RABL6: variants seen among roughly 807,000 people sequenced by gnomAD.
RABL6 encodes RAB, member RAS oncogene family like 6.
In RABL6, 28 loss-of-function variants were observed where a neutral mutation model predicts 72.9. The ratio of observed to expected loss-of-function variants is 0.38; its 90% CI spans 0.28 to 0.53. The LOEUF is 0.53. RABL6 is among the 20% of genes least tolerant of loss of function. The pLI is 0.80. For synonymous variants in RABL6, 477 were observed against 421.2 expected (o/e 1.13, Z -1.62); for missense variants, 1,029 against 1,008.4 (o/e 1.02, Z -0.28).
intron 1 of RABL6, among the ~76,000 whole-genome samples, chr9:136,818,389 AAAAAAAAAAAAAAAACCAAAG>A (rs1848167977): frequency 2.6e-5 from 1 of 38,622 alleles, no homozygotes; most frequent in African/African-American, 9.9e-5. Flanking sequence ...AAAAAAAAAA[AAAAAAAAAAAAAAAACCAAAG>A]GTAAGCAAAG....
intron 1 of RABL6, chr9:136,821,892 G>A (rs1022792474): frequency 3.9e-6 from 5 of 1,276,642 alleles, no homozygotes; most frequent in Non-Finnish European, 5.1e-6. Context: ...CGGTGCGGCC[G>A]CCACCGTGGC....
At chr9:136,816,371 C>T (rs544354714) in intron 1 of RABL6, among the ~76,000 whole-genome samples, 1 of 151,494 alleles carries the variant, frequency 6.6e-6, no homozygotes, top group Admixed American at 6.6e-5. Context: ...TCCCAAAGTG[C>T]TGGCATTACA....
rs562074594 is a variant in RABL6, at chr9:136,840,339, CAAG to C, written c.2015_2017del (p.Lys672del). ...CTCCTCAGGAAGAAGAAAAAGCTGC[CAAG>C]AAGAAGAGCAAACACAAGAAGAGCA... On this transcript the variant is annotated inframe_deletion, in exon 15 of 15. Coordinates refer to ENST00000311502, the MANE Select transcript of RABL6 (RefSeq NM_024718.5). 1.7e-3 allele frequency: 2,650 copies of C among 1,572,104 alleles called. 4 individuals are homozygous for C. Among genetic ancestry groups the C allele is most frequent in the Non-Finnish European group, 2.1e-3 (2,483 of 1,159,262 alleles).
rs918119017 is a variant in RABL6, at chr9:136,821,679, G to A, written c.131-1846G>A. On this transcript the variant is annotated intron_variant, in intron 1 of 14. Coordinates refer to ENST00000311502, the MANE Select transcript of RABL6 (RefSeq NM_024718.5). ...CGGGCCTCCCGCCGCGCTGGGGCCT[G>A]GCTCCCTCCTGGCTGCGCTGAGCGC... 1.4e-5 allele frequency: 14 copies of A among 995,988 alleles called. No individual in the cohort carries two copies. In the African/African-American group the frequency reaches 2.3e-4, roughly 16 times the overall value. 61.7% of individuals were successfully genotyped at this position (995,988 alleles called of 1,614,324 possible). A position where few individuals can be genotyped will look rare whatever the true frequency, so the allele number is the denominator to read the frequency against.
At chr9:136,838,763 G>A (rs1441376790) in intron 10 of RABL6, 146 bp from the exon 11 acceptor site, 3 of 679,620 alleles carry the variant, frequency 4.4e-6, no homozygotes, top group Non-Finnish European at 7.2e-6. Context: ...GACCATGAGG[G>A]GGCCTCTCCA....
chr9:136,810,919 G>A (rs553484779), intron 1 of RABL6, among the ~76,000 whole-genome samples: 32 of 152,198 alleles, frequency 2.1e-4, no homozygotes, highest in Admixed American at 2.0e-4. Flanking sequence ...GAGGGTTTTG[G>A]GGGTGAGAGT....
intron 10 of RABL6, among the ~76,000 whole-genome samples, chr9:136,838,495 C>T (rs1848624742): frequency 6.6e-6 from 1 of 152,236 alleles, no homozygotes; most frequent in Admixed American, 6.5e-5. Flanking sequence ...GCAGCAAAGC[C>T]CTGCATTTGG....
At chr9:136,812,518 C>T (rs1218391720) in intron 1 of RABL6, among the ~76,000 whole-genome samples, 4 of 152,050 alleles carry the variant, frequency 2.6e-5, no homozygotes, top group Admixed American at 6.5e-5. Context: ...AAGATCACAC[C>T]ACTGCGCTCC....
At position 136,840,535 on chromosome 9, in the gene RABL6, AGT is replaced by A. The variant is rs1848675231; in HGVS notation, c.*15_*16del. ...CGAGGAGCTCTAGGCCGGCGTGGGCAGTGGCCGCCCTGGGGCGGGGGGCGTGC... is the reference window on the plus strand; with the variant it reads ...CGAGGAGCTCTAGGCCGGCGTGGGCAGGCCGCCCTGGGGCGGGGGGCGTGC... On this transcript the variant is annotated 3_prime_UTR_variant, in exon 15 of 15. Coordinates refer to ENST00000311502, the MANE Select transcript of RABL6 (RefSeq NM_024718.5). The A allele has an allele frequency of 6.9e-7, 1 of 1,446,910 alleles. No individual in the cohort carries two copies. Among genetic ancestry groups the A allele is most frequent in the African/African-American group, 1.5e-5 (1 of 68,742 alleles). 89.6% of individuals were successfully genotyped at this position (1,446,910 alleles called of 1,614,324 possible). A position where few individuals can be genotyped will look rare whatever the true frequency, so the allele number is the denominator to read the frequency against.
chr9:136,837,463 G>A lies in RABL6; in HGVS notation c.927G>A (p.Thr309=), dbSNP rs763318709. The change falls in exon 9 of 15, where the codon ACG becomes ACA. Residue 309 remains threonine (T), a synonymous_variant. Transcript: ENST00000311502. ...SPVVPAGAVS[T]GSSSPGTPQP... is the part of the protein sequence containing the mutation. ...TGGTGCCTGCAGGCGCTGTGTCCAC[G>A]GGGAGCTCCAGCCCCGGCACACCCC... 2.6e-5 allele frequency: 40 copies of A among 1,559,130 alleles called. No homozygotes were observed. The Admixed American group carries it at 2.7e-4, about 10-fold the overall frequency.
chr9:136,821,536 C>T, intron 1 of RABL6: 1 of 985,358 alleles, frequency 1.0e-6, no homozygotes, highest in Non-Finnish European at 1.2e-6. Flanking sequence ...GCAGTCTCTG[C>T]GAGCCCGGGC....
chr9:136,828,370 T>G, intron 3 of RABL6, 124 bp from the exon 4 acceptor site: 1 of 917,310 alleles, frequency 1.1e-6, no homozygotes, highest in Non-Finnish European at 1.7e-6. Flanking sequence ...TGCAGGCTGT[T>G]TGGGGTGGTG....
Position 136,823,581 on chromosome 9 carries a change from C to A in RABL6, c.187C>A (p.Leu63Met). 6.2e-7 allele frequency: 1 copy of A among 1,613,898 alleles called. No homozygotes were observed. Among genetic ancestry groups the A allele is most frequent in the Non-Finnish European group, 8.5e-7 (1 of 1,179,868 alleles). The change falls in exon 2 of 15, where the codon CTG (leucine) becomes ATG (methionine). Residue 63 changes from leucine to methionine, a missense_variant. Physicochemically the swap from Leu to Met is conservative, Grantham distance 15. Around this residue, in one of 2 missense-constraint regions of RABL6, gnomAD observed 434 missense variants for 536.1 expected, o/e 0.81. Transcript: ENST00000311502. ...GGGCAAGACAGCGCTGTGGCACCGCCTGCAGGGCCGGCCGTTCGTGGAGGA... is the reference window on the plus strand; with the variant it reads ...GGGCAAGACAGCGCTGTGGCACCGCATGCAGGGCCGGCCGTTCGTGGAGGA... The part of the protein sequence containing the change: ...NTGKTALWHR[L>M]QGRPFVEEYI...
chr9:136,821,819 G>T, intron 1 of RABL6: 1 of 1,189,524 alleles, frequency 8.4e-7, no homozygotes, highest in Middle Eastern at 3.8e-4. Context: ...GGGAACGAGG[G>T]CCCAGCCTTC....
intron 1 of RABL6, chr9:136,821,635 A>G (rs1229566054): frequency 2.8e-5 from 28 of 987,814 alleles, no homozygotes; most frequent in Non-Finnish European, 3.4e-5. Flanking sequence ...CGGAGGAGGG[A>G]GGGCGCCGCG....
In RABL6 at chr9:136,833,901, A is replaced by G. The variant is rs111319027; in HGVS notation, c.705+1531A>G. The G allele has an allele frequency of 2.6e-5, 40 of 1,550,466 alleles. 1 individual carries two copies. In the African/African-American group the frequency reaches 2.6e-4, roughly 10 times the overall value. ...CTCCTTCCTGCAGAGCCGTCCCCTC[A>G]TCACTGGGTTGATTACTCCTTAGAG... On this transcript the variant is annotated intron_variant, in intron 7 of 14. Coordinates refer to ENST00000311502, the MANE Select transcript of RABL6 (RefSeq NM_024718.5).
At position 136,825,813 on chromosome 9, in the gene RABL6, TGTA is replaced by T; in HGVS notation, c.305_307del (p.Val102del). 1 of 1,613,270 alleles carries T rather than the reference TGTA, an allele frequency of 6.2e-7. No homozygotes were observed. The highest frequency in any genetic ancestry group is 8.5e-7 in the Non-Finnish European group (1 of 1,179,248). On this transcript the variant is annotated inframe_deletion, in exon 3 of 15. Coordinates refer to ENST00000311502, the MANE Select transcript of RABL6 (RefSeq NM_024718.5). ...ACATCGTGAAGGTTGAAGTCTGGGATGTAGTAGACAAAGGTGAGGCGTCTCTGT... is the reference window on the plus strand; with the variant it reads ...ACATCGTGAAGGTTGAAGTCTGGGATGTAGACAAAGGTGAGGCGTCTCTGT...
intron 5 of RABL6, chr9:136,831,034 C>T (rs1207519028): frequency 6.5e-6 from 1 of 154,772 alleles, no homozygotes; most frequent in Non-Finnish European, 1.5e-5. Flanking sequence ...GTTTAAATGA[C>T]TGCGTGTAAA....
intron 10 of RABL6, among the ~76,000 whole-genome samples, chr9:136,838,246 CAG>C (rs1048392650): frequency 1.3e-5 from 2 of 152,322 alleles, no homozygotes; most frequent in East Asian, 1.9e-4. Context: ...CTGGAGAGGA[CAG>C]GGGCACCTTG....
Sources: gnomAD v4.1 joint callset for allele counts (sites outside exome capture counted in the v4.1 genomes callset) on GRCh38, gnomAD v4.1.1 for gene constraint, gnomAD v4.1.1 regional missense constraint, MANE v1.5 for transcripts, NCBI Gene and HGNC (gene_info 2026-07-23, HGNC 2026-07-21) for gene names.